The following PDE11A variants were observed in gnomAD, a reference collection of about 807,000 sequenced individuals.
The protein encoded by PDE11A is dual 3',5'-cyclic-AMP and -GMP phosphodiesterase 11A.
In PDE11A, 100 loss-of-function variants were observed where a neutral mutation model predicts 100.5. The observed-to-expected ratio is 1.00, with a 90% CI of 0.85 to 1.18. PDE11A has a LOEUF of 1.18. Among genes scored for constraint, PDE11A ranks in the 50% most tolerant of loss-of-function variants. PDE11A has a pLI of 0.00. For missense variants in PDE11A, 1,141 were observed against 1,152.6 expected, an observed-to-expected ratio of 0.99 and a Z score of 0.15; for synonymous variants, 381 against 420.8, an observed-to-expected ratio of 0.91 and a Z score of 1.16.
At chr2:177,928,136 T>C (rs1290950692) in intron 2 of PDE11A, among the ~76,000 whole-genome samples, 1 of 134,862 alleles carries the variant, frequency 7.4e-6, no homozygotes, top group Non-Finnish European at 1.6e-5. Flanking sequence ...AGCCATGAGA[T>C]AGAGGAAACA....
chr2:177,830,935 G>A (rs192411988), intron 6 of PDE11A, among the ~76,000 whole-genome samples: 128 of 152,146 alleles, frequency 8.4e-4, no homozygotes, highest in Non-Finnish European at 1.5e-3. Context: ...TCATAAGGTC[G>A]CAGAATTTAA....
chr2:177,785,025 T>C (rs879935837), intron 9 of PDE11A, among the ~76,000 whole-genome samples: 12 of 152,198 alleles, frequency 7.9e-5, no homozygotes, highest in Non-Finnish European at 1.8e-4. Flanking sequence ...TCTTAATTTG[T>C]CAATGCTTAG....
At chr2:178,037,853 A>G (rs2086635772) in intron 1 of PDE11A, among the ~76,000 whole-genome samples, 1 of 152,058 alleles carries the variant, frequency 6.6e-6, no homozygotes, top group African/African-American at 2.4e-5. Flanking sequence ...GGGGAACATC[A>G]CACACCAGGG....
In PDE11A at chr2:177,904,954, C is replaced by T. The variant is rs140429730; in HGVS notation, c.1161+144G>A. 5.4e-4 allele frequency: 366 copies of T among 676,892 alleles called. 1 individual carries two copies. The African/African-American group carries it at 5.8e-3, about 11-fold the overall frequency. 41.9% of individuals were successfully genotyped at this position (676,892 alleles called of 1,614,324 possible). A position where few individuals can be genotyped will look rare whatever the true frequency, so the allele number is the denominator to read the frequency against. ...CTTATTGCTTAAAGTGTATCTTCAA[C>T]CACAGCCTTGCAGAATTATACAAAT... is the stretch of plus-strand genomic sequence containing the variant. On this transcript the variant is annotated intron_variant, in intron 3 of 19. Coordinates refer to ENST00000286063, the MANE Select transcript of PDE11A (RefSeq NM_016953.4).
chr2:177,905,202 G>T lies in PDE11A; in HGVS notation c.1072-15C>A, dbSNP rs1424528173. On this transcript the variant is annotated splice_polypyrimidine_tract_variant and intron_variant, in intron 2 of 19. Coordinates refer to ENST00000286063, the MANE Select transcript of PDE11A (RefSeq NM_016953.4). ...ATCTGCATAACCTGGGACAAAGAGA[G>T]TAGTAAGAACATTAAAACATAAGAA... is the stretch of plus-strand genomic sequence containing the variant. 7 of 1,441,054 alleles carry T rather than the reference G, an allele frequency of 4.9e-6. No homozygotes were observed. The highest frequency in any genetic ancestry group is 6.9e-6 in the Non-Finnish European group (7 of 1,021,616). 89.3% of individuals were successfully genotyped at this position (1,441,054 alleles called of 1,614,324 possible).
intron 15 of PDE11A, among the ~76,000 whole-genome samples, chr2:177,686,453 G>C (rs2080951934): frequency 6.6e-6 from 1 of 152,122 alleles, no homozygotes; most frequent in South Asian, 2.1e-4. Context: ...TGTAGTCCCA[G>C]CTGCTAGGGA....
At chr2:177,670,214 G>C (rs7605609) in intron 17 of PDE11A, among the ~76,000 whole-genome samples, 95,913 of 151,902 alleles carry the variant, frequency 0.63, 32,886 homozygotes, top group Admixed American at 0.75. Flanking sequence ...TCTTCAGGCT[G>C]TCTGGATCTA....
chr2:178,065,080 G>A (rs1423798362), intron 1 of PDE11A, among the ~76,000 whole-genome samples: 1 of 151,990 alleles, frequency 6.6e-6, no homozygotes, highest in Non-Finnish European at 1.5e-5. Context: ...GCCTATAAAT[G>A]ACCAGGAACT....
intron 2 of PDE11A, among the ~76,000 whole-genome samples, chr2:177,965,400 ATTGCTTTTGGAGTC>A (rs1249204648): frequency 1.3e-5 from 2 of 152,042 alleles, no homozygotes; most frequent in Non-Finnish European, 2.9e-5. Context: ...TTCCGTTGCA[ATTGCTTTTGGAGTC>A]TTGGTCATAA....
At chr2:177,737,139 C>T (rs1337126105) in intron 10 of PDE11A, among the ~76,000 whole-genome samples, 1 of 152,046 alleles carries the variant, frequency 6.6e-6, no homozygotes, top group Non-Finnish European at 1.5e-5. Flanking sequence ...ACTCTGGAGA[C>T]TGAGGCAGGA....
chr2:177,877,515 G>GCTCTCAGAGTT (rs2084260565), intron 4 of PDE11A, among the ~76,000 whole-genome samples: 1 of 152,126 alleles, frequency 6.6e-6, no homozygotes, highest in Non-Finnish European at 1.5e-5. Context: ...CTCTCAGAGT[G>GCTCTCAGAGTT]CCCTCAGAAG....
chr2:177,908,232 G>C (rs541432687), intron 2 of PDE11A, among the ~76,000 whole-genome samples: 72 of 152,336 alleles, frequency 4.7e-4, no homozygotes, highest in African/African-American at 1.7e-3. Context: ...CATTATTCCA[G>C]TGTATGAGCA....
chr2:177,668,378 T>C (rs1421215137), intron 18 of PDE11A, among the ~76,000 whole-genome samples: 1 of 152,200 alleles, frequency 6.6e-6, no homozygotes, highest in Non-Finnish European at 1.5e-5. Context: ...GTTTTATACA[T>C]TAACTGTATG....
intron 9 of PDE11A, among the ~76,000 whole-genome samples, chr2:177,812,482 A>T (rs1195379240): frequency 6.6e-6 from 1 of 152,182 alleles, no homozygotes; most frequent in East Asian, 1.9e-4. Context: ...CTGGTTTAGA[A>T]ATAGGTAGAT....
rs559508169 is a variant in PDE11A at position 177,792,024 on chromosome 2, A to G, written c.1738-22651T>C. 2.0e-5 allele frequency among the ~76,000 whole-genome samples: 3 copies of G among 152,336 alleles called. No individual in the cohort carries two copies. In the East Asian group the frequency reaches 5.8e-4, roughly 29 times the overall value. On this transcript the variant is annotated intron_variant, in intron 9 of 19. Coordinates refer to ENST00000286063, the MANE Select transcript of PDE11A (RefSeq NM_016953.4). ...ATTAACACTTAAAAAGGTTTTAATG[A>G]TTAATTCTTAGTGAGATTAAATATG...
Position 177,844,722 on chromosome 2 carries a change from T to G in PDE11A, c.1368-4339A>C, listed in dbSNP as rs879471274. Among the ~76,000 whole-genome samples the G allele has an allele frequency of 2.1e-3, 317 of 150,976 alleles. 3 individuals carry two copies. Among genetic ancestry groups the G allele is most frequent in the Non-Finnish European group, 3.8e-3 (258 of 67,324 alleles). On this transcript the variant is annotated intron_variant, in intron 5 of 19. Transcript: ENST00000286063. ...ATTTGTGTCCCTGGGTACTTGAGAT[T>G]AGGGAGTGGTGATGACTCTTAACGA...
chr2:177,771,737 G>C (rs1371726394), intron 9 of PDE11A, among the ~76,000 whole-genome samples: 1 of 152,148 alleles, frequency 6.6e-6, no homozygotes, highest in Non-Finnish European at 1.5e-5. Flanking sequence ...TTATGTTATA[G>C]TTACTTAAAA....
chr2:177,668,580 C>A (rs73979509), intron 18 of PDE11A, among the ~76,000 whole-genome samples: 1 of 152,060 alleles, frequency 6.6e-6, no homozygotes, highest in Non-Finnish European at 1.5e-5. Context: ...CAAGACTGTG[C>A]GTTCTGACTT....
chr2:177,639,032 T>C (rs954953028), intron 19 of PDE11A, among the ~76,000 whole-genome samples: 1 of 152,198 alleles, frequency 6.6e-6, no homozygotes, highest in Non-Finnish European at 1.5e-5. Context: ...AACTGTAACC[T>C]CTTTGGCCTC....
Sources: allele counts gnomAD v4.1 joint callset (sites outside exome capture counted in the v4.1 genomes callset), GRCh38; gene constraint gnomAD v4.1.1; transcripts MANE v1.5; gene names NCBI Gene and HGNC (gene_info 2026-07-23, HGNC 2026-07-21).